DPP10: variants seen among roughly 807,000 people sequenced by gnomAD.
DPP10 encodes inactive dipeptidyl peptidase 10.
Under a neutral mutation model 120.9 loss-of-function variants are expected in DPP10, and 33 were observed. The observed-to-expected ratio is 0.27, with a 90% CI of 0.21 to 0.37. The LOEUF (loss-of-function observed/expected upper bound fraction) is 0.37. Among genes scored for constraint, DPP10 ranks in the 10% least tolerant of loss-of-function variants. DPP10 has a pLI of 1.00. For synonymous variants in DPP10, 337 were observed against 326.1 expected (o/e 1.03, Z -0.36); for missense variants, 816 against 942.8 (o/e 0.87, Z 1.76).
intron 1 of DPP10, among the ~76,000 whole-genome samples, chr2:114,987,517 C>T (rs542487125): frequency 5.9e-4 from 90 of 152,124 alleles, no homozygotes; most frequent in African/African-American, 2.0e-3. Context: ...TCCTTCCTTG[C>T]TTCTTTTATC....
At chr2:114,764,625 G>GA (rs1370180434) in intron 1 of DPP10, among the ~76,000 whole-genome samples, 1 of 151,374 alleles carries the variant, frequency 6.6e-6, no homozygotes, top group African/African-American at 2.4e-5. Context: ...CATCAAGATT[G>GA]AAAAAAATTA....
intron 1 of DPP10, among the ~76,000 whole-genome samples, chr2:114,672,834 A>T (rs538063880): frequency 1.3e-5 from 2 of 152,208 alleles, no homozygotes; most frequent in South Asian, 2.1e-4. Flanking sequence ...ACCAGTTCAC[A>T]CTCTCACGAG....
At chr2:115,529,178 G>A (rs982989754) in intron 5 of DPP10, among the ~76,000 whole-genome samples, 3 of 150,758 alleles carry the variant, frequency 2.0e-5, no homozygotes. Context: ...TTTTTTTCCG[G>A]TGGGAGGGAG....
At position 114,972,620 on chromosome 2, in the gene DPP10, G is replaced by A. The variant is rs537774936; in HGVS notation, c.61-336619G>A. Among the ~76,000 whole-genome samples, 8 of 152,266 alleles carry A rather than the reference G, an allele frequency of 5.3e-5. No individual in the cohort carries two copies. The East Asian group carries it at 1.5e-3, about 29-fold the overall frequency. ...TTCCCCACAGTGCCAGTTTCATCCT[G>A]TATTGACTCTCATGGTGAAGAATGG... On this transcript the variant is annotated intron_variant, in intron 1 of 25. Coordinates refer to ENST00000410059, the MANE Select transcript of DPP10 (RefSeq NM_020868.6).
At chr2:115,249,162 G>A (rs1181097997) in intron 1 of DPP10, among the ~76,000 whole-genome samples, 1 of 151,968 alleles carries the variant, frequency 6.6e-6, no homozygotes, top group African/African-American at 2.4e-5. Context: ...TTGCACTGTG[G>A]CGATACACAG....
intron 7 of DPP10, among the ~76,000 whole-genome samples, chr2:115,727,210 T>C (rs903494811): frequency 6.6e-6 from 1 of 152,124 alleles, no homozygotes; most frequent in Non-Finnish European, 1.5e-5. Context: ...CTCTCAGTTA[T>C]AAGGTTATTA....
chr2:114,860,527 T>C (rs899358955), intron 1 of DPP10, among the ~76,000 whole-genome samples: 1 of 152,214 alleles, frequency 6.6e-6, no homozygotes, highest in African/African-American at 2.4e-5. Flanking sequence ...GTCTAGTTTG[T>C]AAAGGCATTT....
intron 11 of DPP10, 116 bp from the exon 12 acceptor site, chr2:115,762,456 G>GTT: frequency 1.1e-6 from 1 of 944,036 alleles, no homozygotes; most frequent in Non-Finnish European, 1.7e-6. Context: ...CTCTCATGGT[G>GTT]TTTCACCAGT....
intron 1 of DPP10, among the ~76,000 whole-genome samples, chr2:115,005,666 A>G (rs1411739559): frequency 1.3e-5 from 2 of 152,098 alleles, no homozygotes; most frequent in South Asian, 2.1e-4. Context: ...AAGTTTAGAG[A>G]AAAAAGAATA....
chr2:115,207,996 C>T (rs968997116), intron 1 of DPP10, among the ~76,000 whole-genome samples: 1 of 151,738 alleles, frequency 6.6e-6, no homozygotes, highest in Admixed American at 6.6e-5. Flanking sequence ...ATCTATTAGC[C>T]GATGTACAGA....
intron 5 of DPP10, among the ~76,000 whole-genome samples, chr2:115,614,676 C>T (rs1324530380): frequency 1.3e-5 from 2 of 152,136 alleles, no homozygotes; most frequent in Non-Finnish European, 2.9e-5. Flanking sequence ...CCTCCCACCT[C>T]GGCCAGGCGT....
At position 114,832,006 on chromosome 2, in the gene DPP10, G is replaced by A. The variant is rs187947948; in HGVS notation, c.60+389168G>A. On this transcript the variant is annotated intron_variant, in intron 1 of 25. Transcript: ENST00000410059. ...TCCCAATATTTTAATTAAGAACAATGTTTGCACACATTTAAATGAGTGACA... is the reference window on the plus strand; with the variant it reads ...TCCCAATATTTTAATTAAGAACAATATTTGCACACATTTAAATGAGTGACA... 1.3e-3 allele frequency among the ~76,000 whole-genome samples: 192 copies of A among 150,372 alleles called. 1 individual carries two copies. The South Asian group carries it at 0.015, about 11-fold the overall frequency.
In DPP10 at chr2:115,845,568, A is replaced by G. The variant is rs990786022; in HGVS notation, c.*3223A>G. ...ATACCCTTCTATTTTCCTCTTCCCC[A>G]TTTCACTCTTTTAAGCTCCCTACTC... On this transcript the variant is annotated 3_prime_UTR_variant, in exon 26 of 26. Coordinates refer to ENST00000410059, the MANE Select transcript of DPP10 (RefSeq NM_020868.6). The G allele has an allele frequency of 6.6e-6, 1 of 152,008 alleles. No homozygotes were observed. The highest frequency in any genetic ancestry group is 2.4e-5 in the African/African-American group (1 of 41,368). 9.4% of individuals were successfully genotyped at this position (152,008 alleles called of 1,614,324 possible).
rs531823021 is a variant in DPP10, at chr2:115,186,398, A to G, written c.61-122841A>G. Among the ~76,000 whole-genome samples the G allele has an allele frequency of 7.2e-5, 11 of 152,356 alleles. 2 individuals carry two copies. In the South Asian group the frequency reaches 2.1e-3, roughly 29 times the overall value. On this transcript the variant is annotated intron_variant, in intron 1 of 25. Coordinates refer to ENST00000410059, the MANE Select transcript of DPP10 (RefSeq NM_020868.6). The stretch of plus-strand genomic sequence containing the variant: ...AGACATGATAGTCCTCTCAGAGCCT[A>G]CGGTGGAATACAAACAGAGCAGCAC...
chr2:115,840,375 C>G (rs1054602137), intron 24 of DPP10, among the ~76,000 whole-genome samples: 4 of 118,596 alleles, frequency 3.4e-5, no homozygotes, highest in Non-Finnish European at 6.5e-5. Flanking sequence ...CCAGGCTGGA[C>G]TGTAGTGGCA....
intron 1 of DPP10, among the ~76,000 whole-genome samples, chr2:114,580,658 A>G (rs566720062): frequency 2.6e-5 from 4 of 151,350 alleles, no homozygotes; most frequent in African/African-American, 7.3e-5. Context: ...CTGGCATTTA[A>G]TCTATCCTGA....
At chr2:115,511,673 T>C (rs925376924) in intron 4 of DPP10, among the ~76,000 whole-genome samples, 3 of 151,280 alleles carry the variant, frequency 2.0e-5, no homozygotes, top group East Asian at 2.0e-4. Flanking sequence ...ATTTGAGATA[T>C]GTATTTTCTT....
chr2:115,391,376 T>G (rs1407397804), intron 3 of DPP10, among the ~76,000 whole-genome samples: 1 of 152,136 alleles, frequency 6.6e-6, no homozygotes, highest in Admixed American at 6.5e-5. Context: ...TCATTCTATC[T>G]TATGGTAGCT....
At chr2:115,620,094 TG>T (rs2084834449) in intron 5 of DPP10, among the ~76,000 whole-genome samples, 1 of 152,228 alleles carries the variant, frequency 6.6e-6, no homozygotes. Flanking sequence ...ATACACCAGC[TG>T]TTTTTCAGCA....
Sources: gnomAD v4.1 joint callset for allele counts (sites outside exome capture counted in the v4.1 genomes callset) on GRCh38, gnomAD v4.1.1 for gene constraint, MANE v1.5 for transcripts, NCBI Gene and HGNC (gene_info 2026-07-23, HGNC 2026-07-21) for gene names.